The following AKAP19 variants were observed in gnomAD, a reference collection of about 807,000 sequenced individuals.
AKAP19 encodes the protein small A-kinase anchoring protein.
chr2:190,005,773 CTTCA>C, the AKAP19 span, among the ~76,000 whole-genome samples: 1 of 152,108 alleles, frequency 6.6e-6, no homozygotes. Context: ...AAATGGCAAG[CTTCA>C]TTGAGTATAT....
At chr2:190,200,194 T>TC in the AKAP19 span, 3 of 1,546,248 alleles carry the variant, frequency 1.9e-6, 1 homozygote, top group South Asian at 3.5e-5. Flanking sequence ...CTAGTTTGAA[T>TC]AAATGTGACA....
the AKAP19 span, among the ~76,000 whole-genome samples, chr2:189,956,209 G>A: frequency 2.5e-4 from 29 of 117,294 alleles, no homozygotes; most frequent in East Asian, 9.7e-4. Context: ...TCGCTCTGTC[G>A]CCCAGGCTGG....
the AKAP19 span, among the ~76,000 whole-genome samples, chr2:190,155,039 G>A: frequency 6.6e-6 from 1 of 152,202 alleles, no homozygotes; most frequent in Non-Finnish European, 1.5e-5. Flanking sequence ...GCTCCTCAGA[G>A]TACATGGATG....
At chr2:190,018,150 T>G in the AKAP19 span, among the ~76,000 whole-genome samples, 1 of 152,188 alleles carries the variant, frequency 6.6e-6, no homozygotes, top group Non-Finnish European at 1.5e-5. Flanking sequence ...TGAATTTGAT[T>G]GGAGATCTCT....
At chr2:190,115,964 A>C in the AKAP19 span, among the ~76,000 whole-genome samples, 2 of 152,222 alleles carry the variant, frequency 1.3e-5, no homozygotes, top group South Asian at 2.1e-4. Flanking sequence ...CACTATATGC[A>C]TGTGTATGTG....
the AKAP19 span, among the ~76,000 whole-genome samples, chr2:190,190,428 A>G: frequency 6.6e-6 from 1 of 152,108 alleles, no homozygotes; most frequent in Admixed American, 6.6e-5. Context: ...GGATATCCCT[A>G]ATTTGTTTAT....
the AKAP19 span, among the ~76,000 whole-genome samples, chr2:190,195,941 C>CTTTTT: frequency 3.7e-3 from 315 of 86,024 alleles, 6 homozygotes; most frequent in Non-Finnish European, 5.0e-3. Flanking sequence ...CTGTGTCCAG[C>CTTTTT]TTTTTTTTTT....
At chr2:190,066,753 C>T in the AKAP19 span, among the ~76,000 whole-genome samples, 1 of 152,140 alleles carries the variant, frequency 6.6e-6, no homozygotes, top group East Asian at 1.9e-4. Flanking sequence ...TCTGGCTTTA[C>T]TGTTGATGTT....
At chr2:190,151,811 G>A in the AKAP19 span, among the ~76,000 whole-genome samples, 1 of 151,998 alleles carries the variant, frequency 6.6e-6, no homozygotes, top group South Asian at 2.1e-4. Flanking sequence ...AGACCAGCCT[G>A]GCCAACATAG....
the AKAP19 span, among the ~76,000 whole-genome samples, chr2:190,095,173 G>A: frequency 6.6e-6 from 1 of 152,102 alleles, no homozygotes; most frequent in African/African-American, 2.4e-5. Context: ...AGTGAGCCAA[G>A]ATCACACCAC....
At chr2:189,989,094 T>G in the AKAP19 span, among the ~76,000 whole-genome samples, 1 of 152,212 alleles carries the variant, frequency 6.6e-6, no homozygotes, top group Admixed American at 6.5e-5. Context: ...AAATAAACAT[T>G]TTGTTAGCCA....
At chr2:189,893,946 A>G in the AKAP19 span, among the ~76,000 whole-genome samples, 2 of 152,150 alleles carry the variant, frequency 1.3e-5, no homozygotes, top group Admixed American at 6.5e-5. Context: ...GTATATATAA[A>G]TTTCCAGACA....
chr2:190,082,578 C>A, the AKAP19 span, among the ~76,000 whole-genome samples: 1 of 152,188 alleles, frequency 6.6e-6, no homozygotes, highest in Non-Finnish European at 1.5e-5. Flanking sequence ...AAGGAATATT[C>A]TATGACTGTT....
At chr2:190,196,423 ATTC>A in the AKAP19 span, among the ~76,000 whole-genome samples, 3 of 151,130 alleles carry the variant, frequency 2.0e-5, no homozygotes, top group Non-Finnish European at 2.9e-5. Context: ...TTTCTCTGAG[ATTC>A]TTTTTTTGTT....
At chr2:189,957,576 A>T in the AKAP19 span, among the ~76,000 whole-genome samples, 1 of 152,208 alleles carries the variant, frequency 6.6e-6, no homozygotes, top group Admixed American at 6.5e-5. Context: ...AATTTTTCAT[A>T]TGTAATTCTG....
the AKAP19 span, among the ~76,000 whole-genome samples, chr2:190,088,880 G>A: frequency 6.6e-6 from 1 of 152,186 alleles, no homozygotes; most frequent in Non-Finnish European, 1.5e-5. Context: ...ACCTCTCTGG[G>A]CCAAAGGCCT....
At chr2:190,066,906 C>A in the AKAP19 span, among the ~76,000 whole-genome samples, 3 of 152,080 alleles carry the variant, frequency 2.0e-5, no homozygotes, top group African/African-American at 7.2e-5. Flanking sequence ...AAACAGCGAG[C>A]CAGACAGACA....
the AKAP19 span, among the ~76,000 whole-genome samples, chr2:190,076,154 T>G: frequency 6.6e-6 from 1 of 152,248 alleles, no homozygotes; most frequent in Non-Finnish European, 1.5e-5. Flanking sequence ...TATATCTATA[T>G]TTTCCAGTGC....
the AKAP19 span, among the ~76,000 whole-genome samples, chr2:189,909,107 A>C: frequency 6.6e-6 from 1 of 151,940 alleles, no homozygotes; most frequent in Non-Finnish European, 1.5e-5. Context: ...TCATTATATA[A>C]TTATCTTCTT....
Sources: gnomAD v4.1 joint callset for allele counts (sites outside exome capture counted in the v4.1 genomes callset) on GRCh38, gnomAD v4.1.1 for gene constraint, MANE v1.5 for transcripts, NCBI Gene and HGNC (gene_info 2026-07-23, HGNC 2026-07-21) for gene names.